The following TMEM71 variants were observed in gnomAD, a reference collection of about 807,000 sequenced individuals.
TMEM71 encodes the protein transmembrane protein 71.
A neutral mutation model predicts 38.0 loss-of-function variants in TMEM71; 44 were observed. That is an observed-to-expected ratio of 1.16 (90% confidence interval 0.91 to 1.49). The LOEUF (loss-of-function observed/expected upper bound fraction) is 1.49. Ranked by LOEUF, TMEM71 falls within the 40% of genes most tolerant of loss-of-function variation. The pLI is 0.00. For synonymous variants in TMEM71, 133 were observed against 122.5 expected (o/e 1.09, Z -0.56); for missense variants, 367 against 348.6 (o/e 1.05, Z -0.42).
At chr8:132,767,152 A>G in the TMEM71 span, among the ~76,000 whole-genome samples, 1 of 152,192 alleles carries the variant, frequency 6.6e-6, no homozygotes, top group Non-Finnish European at 1.5e-5. Context: ...AACTCAGGCA[A>G]CTGTGGCTCT....
the TMEM71 span, among the ~76,000 whole-genome samples, chr8:132,771,788 C>T: frequency 3.9e-5 from 6 of 152,094 alleles, no homozygotes; most frequent in South Asian, 2.1e-4. Flanking sequence ...AAAAATGCTG[C>T]GGGAACACTG....
rs1826187599 is a variant in TMEM71 at position 132,710,656 on chromosome 8, C to T, written c.*311G>A. On this transcript the variant is annotated 3_prime_UTR_variant, in exon 10 of 10. Coordinates refer to ENST00000677595, the MANE Select transcript of TMEM71 (RefSeq NM_001382403.1). ...AATGAAAATTCAAGCTCGAGAACCA[C>T]TGCCTTAAAGAATCATAGGGGGACA... 1 of 508,948 alleles carries T rather than the reference C, an allele frequency of 2.0e-6. No individual in the cohort carries two copies. The highest frequency in any genetic ancestry group is 3.4e-6 in the Non-Finnish European group (1 of 294,010). The allele number at this position is 508,948 out of a possible 1,614,324, so 31.5% of individuals were successfully genotyped here. A position where few individuals can be genotyped will look rare whatever the true frequency, so the allele number is the denominator to read the frequency against.
chr8:132,769,670 G>A, the TMEM71 span, among the ~76,000 whole-genome samples: 1 of 152,156 alleles, frequency 6.6e-6, no homozygotes, highest in African/African-American at 2.4e-5. Flanking sequence ...GTCATGTGAG[G>A]ACACAGTGAG....
intron 3 of TMEM71, among the ~76,000 whole-genome samples, chr8:132,755,934 C>A (rs183586870): frequency 2.0e-5 from 3 of 152,208 alleles, no homozygotes; most frequent in Admixed American, 2.0e-4. Context: ...TAGTAAGTGG[C>A]AGAGCTATGA....
Position 132,757,220 on chromosome 8 carries a change from GC to G in TMEM71, c.101+13del. On this transcript the variant is annotated intron_variant, in intron 3 of 9. Coordinates refer to ENST00000677595, the MANE Select transcript of TMEM71 (RefSeq NM_001382403.1). The stretch of plus-strand genomic sequence containing the variant: ...CAGAATGATTATTTTTTTAAAAGAA[GC>G]CCCATAGTATACCTTGGGAAAATGC... The G allele has an allele frequency of 6.3e-7, 1 of 1,595,128 alleles. No individual in the cohort carries two copies. The highest frequency in any genetic ancestry group is 8.6e-7 in the Non-Finnish European group (1 of 1,164,670).
intron 5 of TMEM71, among the ~76,000 whole-genome samples, chr8:132,735,643 T>C (rs1007930213): frequency 1.3e-5 from 2 of 152,236 alleles, no homozygotes; most frequent in Non-Finnish European, 2.9e-5. Context: ...AGATACCTCA[T>C]GCACGTGCAG....
chr8:132,775,616 C>G, the TMEM71 span: 1 of 343,650 alleles, frequency 2.9e-6, no homozygotes, highest in Non-Finnish European at 5.3e-6. Flanking sequence ...CCGGACGGCC[C>G]GGCTGCTGTG....
rs1239297560 is a variant in TMEM71, at chr8:132,758,552, T to C, written c.40+288A>G. 8.9e-6 allele frequency: 3 copies of C among 338,022 alleles called. No individual in the cohort carries two copies. The East Asian group carries it at 1.8e-4, about 20-fold the overall frequency. 20.9% of individuals were successfully genotyped at this position (338,022 alleles called of 1,614,324 possible). A position where few individuals can be genotyped will look rare whatever the true frequency, so the allele number is the denominator to read the frequency against. ...CAGCATTTTTTATATACAAACAGTT[T>C]TGCATCTTAATAGTAGCTGATAAAC... On this transcript the variant is annotated intron_variant, in intron 2 of 9. Coordinates refer to ENST00000677595, the MANE Select transcript of TMEM71 (RefSeq NM_001382403.1).
chr8:132,734,197 C>G (rs540143856), intron 5 of TMEM71, among the ~76,000 whole-genome samples: 13 of 152,160 alleles, frequency 8.5e-5, no homozygotes, highest in South Asian at 2.1e-4. Flanking sequence ...CACACACACA[C>G]AGAGACACAG....
chr8:132,759,579 A>T (rs575263996), intron 1 of TMEM71: 4 of 152,368 alleles, frequency 2.6e-5, no homozygotes, highest in African/African-American at 9.6e-5. Context: ...TAAATTATGC[A>T]AACTTTGATC....
In TMEM71 at chr8:132,758,847, T is replaced by C. The variant is rs1274207035; in HGVS notation, c.33A>G (p.Pro11=). 1 of 1,613,768 alleles carries C rather than the reference T, an allele frequency of 6.2e-7. No homozygotes were observed. The change falls in exon 2 of 10, where the codon CCA becomes CCG. Residue 11 remains proline, a synonymous_variant. Transcript: ENST00000677595. MYRISQLMST[P]VASSSRLERE... is the part of the protein sequence containing the mutation. ...CAGTTCTTCTACATTTACTTGCTAC[T>C]GGTGTTGACATCAGTTGAGATATTC...
Position 132,727,867 on chromosome 8 carries a change from G to A in TMEM71, c.607C>T (p.His203Tyr), listed in dbSNP as rs1827235528. 8 of 1,614,030 alleles carry A rather than the reference G, an allele frequency of 5.0e-6. No individual in the cohort carries two copies. Among genetic ancestry groups the A allele is most frequent in the Non-Finnish European group, 5.9e-6 (7 of 1,180,012 alleles). ...AACTGGGACTGAAGAGACAAGCTATGGGAGTTTCCTCCAGGAGGCTGAGAT... is the reference window on the plus strand; with the variant it reads ...AACTGGGACTGAAGAGACAAGCTATAGGAGTTTCCTCCAGGAGGCTGAGAT... ...IISQPPGGNS[H>Y]SLSLQSQLTA... Residue 203 changes from histidine (H) to tyrosine (Y), a missense_variant, in exon 6 of 10, where the codon CAT becomes TAT. His to Tyr is a moderately conservative substitution (Grantham distance 83). Transcript: ENST00000677595.
At chr8:132,738,416 T>G (rs563155540) in intron 5 of TMEM71, among the ~76,000 whole-genome samples, 19 of 152,340 alleles carry the variant, frequency 1.2e-4, no homozygotes, top group South Asian at 1.0e-3. Context: ...ATCACTAACC[T>G]GTCAATTCTA....
chr8:132,753,788 T>C (rs557288338), intron 3 of TMEM71, among the ~76,000 whole-genome samples: 1 of 152,346 alleles, frequency 6.6e-6, no homozygotes, highest in East Asian at 1.9e-4. Flanking sequence ...ATTATCGGGT[T>C]ATCTTAATAA....
At chr8:132,720,521 T>G (rs1270507335) in intron 7 of TMEM71, among the ~76,000 whole-genome samples, 1 of 152,232 alleles carries the variant, frequency 6.6e-6, no homozygotes, top group African/African-American at 2.4e-5. Context: ...CAAATTTATT[T>G]TTAACCACAG....
At chr8:132,734,633 C>G (rs142853566) in intron 5 of TMEM71, among the ~76,000 whole-genome samples, 8 of 152,208 alleles carry the variant, frequency 5.3e-5, no homozygotes, top group African/African-American at 1.9e-4. Flanking sequence ...AGAGAAACCA[C>G]AAAAAAGTCT....
intron 5 of TMEM71, among the ~76,000 whole-genome samples, chr8:132,729,599 A>G (rs1006361783): frequency 1.6e-4 from 24 of 152,222 alleles, no homozygotes; most frequent in African/African-American, 5.8e-4. Flanking sequence ...GCTGAGCTCA[A>G]AAGAAGGAAA....
intron 5 of TMEM71, among the ~76,000 whole-genome samples, chr8:132,729,960 T>C (rs146475110): frequency 2.0e-5 from 2 of 102,124 alleles, no homozygotes; most frequent in South Asian, 2.8e-4. Flanking sequence ...TTCAGTTAAA[T>C]TTTTTTTTTT....
the TMEM71 span, chr8:132,775,700 CG>C: frequency 1.3e-5 from 4 of 317,850 alleles, no homozygotes; most frequent in African/African-American, 8.8e-5. Flanking sequence ...CCGGGCCGCC[CG>C]GGACGCCCCC....
Sources: allele counts gnomAD v4.1 joint callset (sites outside exome capture counted in the v4.1 genomes callset), GRCh38; gene constraint gnomAD v4.1.1; transcripts MANE v1.5; gene names NCBI Gene and HGNC (gene_info 2026-07-23, HGNC 2026-07-21).